The following ARHGAP22 variants were observed in gnomAD, a reference collection of about 807,000 sequenced individuals.
ARHGAP22 encodes the protein rho GTPase-activating protein 22.
In ARHGAP22, 48 loss-of-function variants were observed where a neutral mutation model predicts 59.1. The observed-to-expected ratio is 0.81, with a 90% CI of 0.64 to 1.03. The LOEUF is 1.03. ARHGAP22 is among the 50% of genes least tolerant of loss of function. The probability of loss-of-function intolerance (pLI) is 0.00; values close to 1 mark genes in which losing one functional copy is unlikely to be tolerated. For missense variants in ARHGAP22, 1,015 were observed against 958.7 expected (o/e 1.06, Z -0.78); for synonymous variants, 445 against 416.4 (o/e 1.07, Z -0.84).
chr10:48,644,827 A>G (rs749244928), intron 1 of ARHGAP22, among the ~76,000 whole-genome samples: 3 of 152,174 alleles, frequency 2.0e-5, no homozygotes, highest in Non-Finnish European at 4.4e-5. Flanking sequence ...TAAGGGCTCA[A>G]ATCAATAAGC....
At position 48,451,006 on chromosome 10, in the gene ARHGAP22, C is replaced by T; in HGVS notation, c.1123G>A (p.Val375Ile). 1 of 1,556,540 alleles carries T rather than the reference C, an allele frequency of 6.4e-7. No individual in the cohort carries two copies. Among genetic ancestry groups the T allele is most frequent in the Non-Finnish European group, 8.7e-7 (1 of 1,150,490 alleles). ...QCAVGWGSEE[V>I]TRDSQGEPGG... is the part of the protein sequence containing the mutation. ...GGCTCTCCTTGGCTGTCCCTGGTGACCTCCTCGGAGCCCCACCCCACTGCG... is the reference window on the plus strand; with the variant it reads ...GGCTCTCCTTGGCTGTCCCTGGTGATCTCCTCGGAGCCCCACCCCACTGCG... Residue 375 changes from valine to isoleucine, a missense_variant, in exon 9 of 10, where the codon GTC (valine) becomes ATC (isoleucine). Physicochemically the swap from Val to Ile is conservative, Grantham distance 29. Coordinates refer to ENST00000249601, the MANE Select transcript of ARHGAP22 (RefSeq NM_021226.4).
chr10:48,527,895 C>T (rs113004015), intron 3 of ARHGAP22, among the ~76,000 whole-genome samples: 1,714 of 152,312 alleles, frequency 0.011, 39 homozygotes, highest in African/African-American at 0.039. Context: ...CAGCCCACCA[C>T]CAGGCACAGG....
intron 2 of ARHGAP22, among the ~76,000 whole-genome samples, chr10:48,573,067 T>C (rs1400326596): frequency 6.6e-6 from 1 of 152,192 alleles, no homozygotes. Flanking sequence ...GTTCATCAGA[T>C]ATATAAAAGT....
intron 2 of ARHGAP22, among the ~76,000 whole-genome samples, chr10:48,569,185 A>T (rs964536720): frequency 6.6e-6 from 1 of 152,146 alleles, no homozygotes; most frequent in Admixed American, 6.6e-5. Context: ...TGCTTAGTTG[A>T]GCACAGGTTA....
At chr10:48,650,528 T>C (rs2062518268) in intron 1 of ARHGAP22, among the ~76,000 whole-genome samples, 1 of 152,228 alleles carries the variant, frequency 6.6e-6, no homozygotes, top group Admixed American at 6.5e-5. Context: ...GAATTGCCAC[T>C]GACTTTTACA....
chr10:48,433,437 G>C, the ARHGAP22 span, among the ~76,000 whole-genome samples: 5 of 152,102 alleles, frequency 3.3e-5, no homozygotes, highest in Non-Finnish European at 5.9e-5. Context: ...GTCAGAAAAG[G>C]CTCATTCCAA....
At chr10:48,442,341 G>A (rs993932165), downstream of ARHGAP22, among the ~76,000 whole-genome samples, 3 of 152,194 alleles carry the variant, frequency 2.0e-5, no homozygotes, top group Non-Finnish European at 4.4e-5. Flanking sequence ...GCTGGCTGCC[G>A]CCATCATCCT....
At chr10:48,648,946 T>C (rs1330608692) in intron 1 of ARHGAP22, among the ~76,000 whole-genome samples, 1 of 152,120 alleles carries the variant, frequency 6.6e-6, no homozygotes, top group Admixed American at 6.5e-5. Context: ...TGAAAGAGTC[T>C]TGCTCTGTGC....
chr10:48,649,931 C>G (rs773814529), intron 1 of ARHGAP22, among the ~76,000 whole-genome samples: 2 of 150,072 alleles, frequency 1.3e-5, no homozygotes, highest in Non-Finnish European at 3.0e-5. Context: ...TTGAAAATGA[C>G]AGTTAAAAGC....
intron 3 of ARHGAP22, among the ~76,000 whole-genome samples, chr10:48,497,963 G>C (rs562201570): frequency 1.3e-5 from 2 of 152,158 alleles, no homozygotes; most frequent in Non-Finnish European, 2.9e-5. Flanking sequence ...GATAGACTGA[G>C]AGCAGCAGAA....
chr10:48,652,571 G>C (rs1395958989), exon 1 of ARHGAP22: 1 of 465,966 alleles, frequency 2.1e-6, no homozygotes, highest in Non-Finnish European at 3.8e-6. Flanking sequence ...TCTGTAAAAT[G>C]GGAACAATAG....
At chr10:48,582,564 A>G (rs907433383) in intron 2 of ARHGAP22, among the ~76,000 whole-genome samples, 1 of 152,238 alleles carries the variant, frequency 6.6e-6, no homozygotes, top group Admixed American at 6.5e-5. Flanking sequence ...AGAGTGAGCC[A>G]GGTTTCAGTT....
intron 1 of ARHGAP22, among the ~76,000 whole-genome samples, chr10:48,589,863 T>A (rs1589015910): frequency 6.6e-6 from 1 of 152,218 alleles, no homozygotes; most frequent in South Asian, 2.1e-4. Context: ...AAAATCTTAC[T>A]CTTTTCACAG....
chr10:48,628,181 G>A (rs1051939499), intron 1 of ARHGAP22, among the ~76,000 whole-genome samples: 41 of 152,144 alleles, frequency 2.7e-4, no homozygotes, highest in Non-Finnish European at 5.3e-4. Context: ...CTGCACTCAC[G>A]CAGTCTCAGA....
chr10:48,456,326 A>G lies in ARHGAP22; in HGVS notation c.660-1192T>C, dbSNP rs180872114. On this transcript the variant is annotated intron_variant, in intron 5 of 9. Coordinates refer to ENST00000249601, the MANE Select transcript of ARHGAP22 (RefSeq NM_021226.4). ...TGGGATTCTGGGGTTCCATGTATCCATATGCACCCCAAATCCATATACCTG... is the reference window on the plus strand; with the variant it reads ...TGGGATTCTGGGGTTCCATGTATCCGTATGCACCCCAAATCCATATACCTG... 1.8e-3 allele frequency among the ~76,000 whole-genome samples: 277 copies of G among 152,274 alleles called. 3 individuals are homozygous for G. Among genetic ancestry groups the G allele is most frequent in the African/African-American group, 6.5e-3 (269 of 41,572 alleles).
chr10:48,531,056 T>G (rs1194312074), intron 3 of ARHGAP22, among the ~76,000 whole-genome samples: 1 of 152,042 alleles, frequency 6.6e-6, no homozygotes, highest in Non-Finnish European at 1.5e-5. Flanking sequence ...ATAAAGAAAA[T>G]GTAGTATATA....
chr10:48,626,095 T>C (rs184902414), intron 1 of ARHGAP22, among the ~76,000 whole-genome samples: 133 of 152,250 alleles, frequency 8.7e-4, no homozygotes, highest in African/African-American at 3.1e-3. Context: ...TCAACCCCAT[T>C]TTTGGCCCAG....
chr10:48,463,662 C>T (rs1327635845), intron 4 of ARHGAP22, among the ~76,000 whole-genome samples: 1 of 152,184 alleles, frequency 6.6e-6, no homozygotes, highest in Non-Finnish European at 1.5e-5. Context: ...GAAGAAAGCT[C>T]AGAAGTCCCT....
In ARHGAP22 at chr10:48,604,864, C is replaced by T. The variant is rs950683530; in HGVS notation, c.-68G>A. 3.7e-6 allele frequency: 6 copies of T among 1,612,118 alleles called. No individual in the cohort carries two copies. The highest frequency in any genetic ancestry group is 4.2e-6 in the Non-Finnish European group (5 of 1,179,758). The stretch of plus-strand genomic sequence containing the variant: ...TGTCATCCACTTGCTTTTGCTCGTC[C>T]TCGCGCCTAGTCGCCCCTCATGTCC... On this transcript the variant is annotated 5_prime_UTR_variant, in exon 1 of 10. Coordinates refer to ENST00000249601, the MANE Select transcript of ARHGAP22 (RefSeq NM_021226.4).
Sources: allele counts gnomAD v4.1 joint callset (sites outside exome capture counted in the v4.1 genomes callset), GRCh38; gene constraint gnomAD v4.1.1; transcripts MANE v1.5; gene names NCBI Gene and HGNC (gene_info 2026-07-23, HGNC 2026-07-21).